UBE2G1: variants seen among roughly 807,000 people sequenced by gnomAD.
UBE2G1 encodes the protein ubiquitin-conjugating enzyme E2 G1.
UBE2G1 carries 5 observed loss-of-function variants against 22.7 expected under a neutral mutation model. The observed-to-expected ratio is 0.22, with a 90% CI of 0.12 to 0.46. The LOEUF (loss-of-function observed/expected upper bound fraction) is 0.46, where lower values mean the gene tolerates loss of function less well. Ranked by LOEUF, UBE2G1 falls within the 20% of genes least tolerant of loss-of-function variation. The pLI is 0.99. For synonymous variants in UBE2G1, 74 were observed against 67.5 expected (o/e 1.10, Z -0.47); for missense variants, 88 against 203.9 (o/e 0.43, Z 3.46).
intron 1 of UBE2G1, among the ~76,000 whole-genome samples, chr17:4,310,033 C>T (rs762097156): frequency 2.0e-5 from 3 of 152,186 alleles, no homozygotes; most frequent in Admixed American, 6.6e-5. Context: ...TCCAATGTCT[C>T]ACTTTTGTCA....
At position 4,341,589 on chromosome 17, in the gene UBE2G1, G is replaced by A. The variant is rs559236203; in HGVS notation, c.46+24682C>T. ...CAATTCTCCAACTTTACACACACAC[G>A]CATGCAGACACATACACAAATGAAG... On this transcript the variant is annotated intron_variant, in intron 1 of 5. Coordinates refer to ENST00000396981, the MANE Select transcript of UBE2G1 (RefSeq NM_003342.5). Among the ~76,000 whole-genome samples, 112 of 152,124 alleles carry A rather than the reference G, an allele frequency of 7.4e-4. 1 individual carries two copies. The highest frequency in any genetic ancestry group is 3.5e-3 in the East Asian group (18 of 5,186).
chr17:4,296,686 C>T, intron 3 of UBE2G1, 31 bp downstream of exon 3: 1 of 1,595,934 alleles, frequency 6.3e-7, no homozygotes, highest in Non-Finnish European at 8.6e-7. Context: ...ATCAAATCTG[C>T]AAATGTAAAA....
intron 2 of UBE2G1, among the ~76,000 whole-genome samples, chr17:4,298,633 T>G (rs1284682238): frequency 1.3e-5 from 2 of 152,114 alleles, no homozygotes; most frequent in Non-Finnish European, 2.9e-5. Context: ...TCAGTGACCT[T>G]GATAATACAA....
intron 3 of UBE2G1, 54 bp downstream of exon 3, chr17:4,296,658 ACACTT>A: frequency 6.8e-7 from 1 of 1,471,628 alleles, no homozygotes; most frequent in Non-Finnish European, 9.5e-7. Context: ...TTGACCTTGA[ACACTT>A]CAATAACAGG....
At chr17:4,337,490 T>C (rs1231459294) in intron 1 of UBE2G1, among the ~76,000 whole-genome samples, 1 of 151,536 alleles carries the variant, frequency 6.6e-6, no homozygotes, top group Non-Finnish European at 1.5e-5. Flanking sequence ...CTGACTCTAC[T>C]AAAAATACAA....
intron 4 of UBE2G1, 125 bp from the exon 5 acceptor site, chr17:4,283,046 G>C (rs1271772912): frequency 7.7e-6 from 6 of 779,816 alleles, no homozygotes; most frequent in Non-Finnish European, 1.2e-5. Flanking sequence ...TTATAGAGTT[G>C]AAAAGGTAGA....
At chr17:4,357,506 T>G (rs60921716) in intron 1 of UBE2G1, among the ~76,000 whole-genome samples, 4,799 of 10,830 alleles carry the variant, frequency 0.44, 721 homozygotes, top group African/African-American at 0.46. Context: ...TGTGTGTGTG[T>G]GTGGGGGGGG....
At chr17:4,328,729 T>C (rs940588180) in intron 1 of UBE2G1, among the ~76,000 whole-genome samples, 1 of 152,246 alleles carries the variant, frequency 6.6e-6, no homozygotes, top group African/African-American at 2.4e-5. Flanking sequence ...GCTAAGTTTT[T>C]TTCAAAAACA....
intron 4 of UBE2G1, among the ~76,000 whole-genome samples, chr17:4,288,888 C>G (rs1209929691): frequency 6.6e-6 from 1 of 151,902 alleles, no homozygotes; most frequent in Non-Finnish European, 1.5e-5. Flanking sequence ...TAAATATGCA[C>G]TTTTGGTCAG....
At chr17:4,283,499 C>A (rs1968920629) in intron 4 of UBE2G1, among the ~76,000 whole-genome samples, 1 of 151,660 alleles carries the variant, frequency 6.6e-6, no homozygotes. Flanking sequence ...GACTCCATCT[C>A]AAAAAAAGAC....
At chr17:4,345,920 A>T (rs1969764702) in intron 1 of UBE2G1, 1 of 152,200 alleles carries the variant, frequency 6.6e-6, no homozygotes, top group Non-Finnish European at 1.5e-5. Context: ...TCAAAATCAT[A>T]AAATGGATGA....
At chr17:4,321,841 A>T (rs1291919987) in intron 1 of UBE2G1, among the ~76,000 whole-genome samples, 2 of 152,100 alleles carry the variant, frequency 1.3e-5, no homozygotes, top group Non-Finnish European at 2.9e-5. Flanking sequence ...TTACATTTAA[A>T]CCCCTAATTT....
At chr17:4,313,181 G>GT (rs1035790722) in intron 1 of UBE2G1, among the ~76,000 whole-genome samples, 1 of 152,188 alleles carries the variant, frequency 6.6e-6, no homozygotes. Flanking sequence ...ATAGAATAGT[G>GT]TTTTTTCACA....
chr17:4,309,911 C>A (rs1354715948), intron 1 of UBE2G1, among the ~76,000 whole-genome samples: 1 of 152,170 alleles, frequency 6.6e-6, no homozygotes, highest in East Asian at 1.9e-4. Context: ...CTTGTCAAAA[C>A]CCCCAAGTTC....
At chr17:4,286,170 C>G (rs1478742366) in intron 4 of UBE2G1, among the ~76,000 whole-genome samples, 1 of 152,056 alleles carries the variant, frequency 6.6e-6, no homozygotes, top group Non-Finnish European at 1.5e-5. Context: ...TTTGGGAAGC[C>G]GAGGTGAGTG....
chr17:4,366,604 G>T lies in UBE2G1; in HGVS notation c.-288C>A. 1 of 334,928 alleles carries T rather than the reference G, an allele frequency of 3.0e-6. No individual in the cohort carries two copies. Among genetic ancestry groups the T allele is most frequent in the Non-Finnish European group, 5.5e-6 (1 of 183,102 alleles). 20.7% of individuals were successfully genotyped at this position (334,928 alleles called of 1,614,324 possible). On this transcript the variant is annotated 5_prime_UTR_variant, in exon 1 of 6. Coordinates refer to ENST00000396981, the MANE Select transcript of UBE2G1 (RefSeq NM_003342.5). Reference sequence around the variant, plus strand: ...GCTTCCCTCCTTCAACCCGCCCGTCGGCCCCACCGGTGCCTTCCCCCGCCA... The same window carrying T: ...GCTTCCCTCCTTCAACCCGCCCGTCTGCCCCACCGGTGCCTTCCCCCGCCA...
intron 1 of UBE2G1, among the ~76,000 whole-genome samples, chr17:4,339,542 T>C (rs933718504): frequency 1.3e-5 from 2 of 152,266 alleles, no homozygotes; most frequent in Non-Finnish European, 2.9e-5. Context: ...TACCCTCAGA[T>C]GATCCACCTG....
intron 1 of UBE2G1, among the ~76,000 whole-genome samples, chr17:4,309,704 T>C (rs759661837): frequency 2.6e-5 from 4 of 152,208 alleles, no homozygotes; most frequent in Non-Finnish European, 5.9e-5. Flanking sequence ...ACTCGGACCA[T>C]TTTCTACAAC....
At chr17:4,294,233 T>TG (rs1969077738) in intron 3 of UBE2G1, among the ~76,000 whole-genome samples, 1 of 151,944 alleles carries the variant, frequency 6.6e-6, no homozygotes, top group Non-Finnish European at 1.5e-5. Flanking sequence ...CTGTCCAACA[T>TG]GGTGAAACCC....
Sources: allele counts gnomAD v4.1 joint callset (sites outside exome capture counted in the v4.1 genomes callset), GRCh38; gene constraint gnomAD v4.1.1; transcripts MANE v1.5; gene names NCBI Gene and HGNC (gene_info 2026-07-23, HGNC 2026-07-21).